The following NAV3 variants were observed in gnomAD, a reference collection of about 807,000 sequenced individuals.
NAV3 encodes pore membrane and/or filament interacting like protein 1.
NAV3 carries 87 observed loss-of-function variants against 244.7 expected under a neutral mutation model. The ratio of observed to expected loss-of-function variants is 0.36; its 90% confidence interval spans 0.30 to 0.42. The LOEUF (loss-of-function observed/expected upper bound fraction) is 0.42, where lower values mean the gene tolerates loss of function less well. Among genes scored for constraint, NAV3 ranks in the 20% least tolerant of loss-of-function variants. The pLI is 1.00. For missense variants in NAV3, 2,663 were observed against 2,893.3 expected, an observed-to-expected ratio of 0.92 and a Z score of 1.83; for synonymous variants, 1,126 against 1,042.2, an observed-to-expected ratio of 1.08 and a Z score of -1.55.
Position 78,189,974 on chromosome 12 carries a change from C to A in NAV3, c.6056-10C>A, listed in dbSNP as rs887737527. ...AATAAATCATGCTATTTTTTTGTTT[C>A]TTCTTTCAGGGGTAGAAGAAAATAG... On this transcript the variant is annotated splice_polypyrimidine_tract_variant and intron_variant, in intron 33 of 39. Coordinates refer to ENST00000397909, the MANE Select transcript of NAV3 (RefSeq NM_001024383.2). 1.9e-6 allele frequency: 3 copies of A among 1,596,852 alleles called. No homozygotes were observed. Among genetic ancestry groups the A allele is most frequent in the East Asian group, 2.2e-5 (1 of 44,534 alleles).
At position 78,185,578 on chromosome 12, in the gene NAV3, GTCTTTCTTTTAAAAT is replaced by G. The variant is rs751831497; in HGVS notation, c.5693-21_5693-7del. 5.0e-6 allele frequency: 8 copies of G among 1,589,918 alleles called. No homozygotes were observed. In the Admixed American group the frequency reaches 1.3e-4, roughly 27 times the overall value. On this transcript the variant is annotated splice_region_variant and splice_polypyrimidine_tract_variant and intron_variant, in intron 30 of 39. Coordinates refer to ENST00000397909, the MANE Select transcript of NAV3 (RefSeq NM_001024383.2). ...GAGCTAATGTTATACTGTTGTGTAT[GTCTTTCTTTTAAAAT>G]TTGATAGATATTTTGCTAGATGATG...
At position 77,704,917 on chromosome 12, in the gene NAV3, T is replaced by C. The variant is rs533650070; in HGVS notation, c.72+132651T>C. ...CCCTAGGATATTGGAATTTCAAATC[T>C]AGTTTATAGTTGTGAAATAAAAGAT... On this transcript the variant is annotated intron_variant, in intron 2 of 8. Transcript: ENST00000550042. Among the ~76,000 whole-genome samples the C allele has an allele frequency of 1.4e-4, 22 of 152,358 alleles. 1 individual carries two copies. The highest frequency in any genetic ancestry group is 1.4e-3 in the Admixed American group (21 of 15,302).
intron 2 of NAV3, among the ~76,000 whole-genome samples, chr12:77,589,677 A>G (rs1379693135): frequency 1.3e-5 from 2 of 152,236 alleles, no homozygotes; most frequent in African/African-American, 2.4e-5. Flanking sequence ...CCATGATTCA[A>G]TCACCCTCCA....
rs191678171 is a variant in NAV3 at position 78,045,539 on chromosome 12, C to T, written c.2024-4454C>T. Among the ~76,000 whole-genome samples, 956 of 152,226 alleles carry T rather than the reference C, an allele frequency of 6.3e-3. 9 individuals are homozygous for T. The highest frequency in any genetic ancestry group is 0.021 in the African/African-American group (891 of 41,538). ...CAAACTCCTGACCTCGTGATCTGCC[C>T]ACCTCAGCCTCCCAAAGTGCTGGGA... On this transcript the variant is annotated intron_variant, in intron 9 of 39. Coordinates refer to ENST00000397909, the MANE Select transcript of NAV3 (RefSeq NM_001024383.2).
chr12:77,704,261 G>GT (rs1178772858), intron 2 of NAV3, among the ~76,000 whole-genome samples: 1 of 152,284 alleles, frequency 6.6e-6, no homozygotes, highest in East Asian at 1.9e-4. Flanking sequence ...TTTTGTCTGT[G>GT]TATGGGTGTG....
chr12:77,934,522 T>C (rs1889137889), intron 1 of NAV3, among the ~76,000 whole-genome samples: 1 of 152,184 alleles, frequency 6.6e-6, no homozygotes, highest in Non-Finnish European at 1.5e-5. Flanking sequence ...CTTAAATCTG[T>C]TCTAGGGCTC....
chr12:78,060,800 C>G (rs1884217657), intron 12 of NAV3, among the ~76,000 whole-genome samples: 1 of 151,970 alleles, frequency 6.6e-6, no homozygotes, highest in African/African-American at 2.4e-5. Context: ...AACTAATGAC[C>G]TATTATTCTA....
chr12:77,647,069 C>T (rs537470785), intron 2 of NAV3, among the ~76,000 whole-genome samples: 83 of 149,786 alleles, frequency 5.5e-4, no homozygotes, highest in Admixed American at 1.0e-3. Flanking sequence ...TATATATATA[C>T]ACACACACAC....
intron 1 of NAV3, among the ~76,000 whole-genome samples, chr12:77,875,540 A>G (rs1410635979): frequency 6.6e-6 from 1 of 152,088 alleles, no homozygotes; most frequent in Non-Finnish European, 1.5e-5. Context: ...ACTGCCTGGC[A>G]TATAGAACAC....
Position 78,021,834 on chromosome 12 carries a change from T to G in NAV3, c.1995T>G (p.Thr665=). 1 of 1,610,330 alleles carries G rather than the reference T, an allele frequency of 6.2e-7. No individual in the cohort carries two copies. Among genetic ancestry groups the G allele is most frequent in the South Asian group, 1.1e-5 (1 of 90,874 alleles). Residue 665 remains threonine, a synonymous_variant, in exon 9 of 40, where the codon ACT becomes ACG. Coordinates refer to ENST00000397909, the MANE Select transcript of NAV3 (RefSeq NM_001024383.2). ...PTKMDLSYSK[T]AKQCLEEISG... is the part of the protein sequence containing the mutation. ...AGATGGACTTATCATATAGTAAGACTGCTAAGCAGTGCCTGGAGGAGATAT... is the reference window on the plus strand; with the variant it reads ...AGATGGACTTATCATATAGTAAGACGGCTAAGCAGTGCCTGGAGGAGATAT...
intron 9 of NAV3, among the ~76,000 whole-genome samples, chr12:78,039,742 G>A (rs1449338398): frequency 3.3e-5 from 5 of 152,026 alleles, no homozygotes; most frequent in Non-Finnish European, 5.9e-5. Flanking sequence ...CCACCAAATA[G>A]TAACGTAGGA....
At chr12:77,888,406 G>C (rs969921333) in intron 1 of NAV3, among the ~76,000 whole-genome samples, 2 of 152,088 alleles carry the variant, frequency 1.3e-5, no homozygotes, top group Non-Finnish European at 2.9e-5. Context: ...TGGCCTAGGA[G>C]GTCAAGACTG....
At chr12:77,704,951 A>G (rs1191429507) in intron 2 of NAV3, among the ~76,000 whole-genome samples, 1 of 152,200 alleles carries the variant, frequency 6.6e-6, no homozygotes, top group Non-Finnish European at 1.5e-5. Context: ...ATTTTATGAT[A>G]CTATTTTAGA....
intron 5 of NAV3, among the ~76,000 whole-genome samples, chr12:77,976,667 TTTTTTTC>T (rs1281706112): frequency 1.1e-3 from 60 of 55,408 alleles, no homozygotes; most frequent in African/African-American, 2.5e-3. Flanking sequence ...TCTTTCTTTC[TTTTTTTC>T]TTTTTTTTTT....
At chr12:78,057,532 G>A (rs920461629) in intron 11 of NAV3, among the ~76,000 whole-genome samples, 1 of 152,056 alleles carries the variant, frequency 6.6e-6, no homozygotes, top group Admixed American at 6.6e-5. Flanking sequence ...TCACTTTCAG[G>A]ATATGAGCTA....
In NAV3 at chr12:77,706,727, A is replaced by C. The variant is rs530568410; in HGVS notation, c.72+134461A>C. Among the ~76,000 whole-genome samples the C allele has an allele frequency of 5.6e-3, 847 of 150,042 alleles. 35 individuals carry two copies. Among genetic ancestry groups the C allele is most frequent in the African/African-American group, 0.02 (820 of 40,238 alleles). ...CTAATAAAAATACAAAAAAATTAGC[A>C]GGGCGTGGTGGCGGGCGCCTGTAGT... is the stretch of plus-strand genomic sequence containing the variant. On this transcript the variant is annotated intron_variant, in intron 2 of 8. Coordinates refer to the NAV3 transcript ENST00000550042.
At chr12:77,691,525 A>G (rs144729102) in intron 2 of NAV3, among the ~76,000 whole-genome samples, 92 of 151,012 alleles carry the variant, frequency 6.1e-4, no homozygotes, top group African/African-American at 2.1e-3. Context: ...GTTATTCAAT[A>G]TTATGCTTTA....
chr12:78,202,922 G>T (rs1352056040), intron 38 of NAV3, among the ~76,000 whole-genome samples: 1 of 152,108 alleles, frequency 6.6e-6, no homozygotes. Context: ...ATTGGAGAAA[G>T]AAGTGGAGAA....
At chr12:78,037,968 T>G (rs757272654) in intron 9 of NAV3, among the ~76,000 whole-genome samples, 1 of 152,206 alleles carries the variant, frequency 6.6e-6, no homozygotes, top group Non-Finnish European at 1.5e-5. Flanking sequence ...TTTCAGTGTT[T>G]GACAAAAACT....
Sources: gnomAD v4.1 joint callset for allele counts (sites outside exome capture counted in the v4.1 genomes callset) on GRCh38, gnomAD v4.1.1 for gene constraint, MANE v1.5 for transcripts, NCBI Gene and HGNC (gene_info 2026-07-23, HGNC 2026-07-21) for gene names.